The following FBXL19 variants were observed in gnomAD, a reference collection of about 807,000 sequenced individuals.
FBXL19 encodes F-box/LRR-repeat protein 19.
Under a neutral mutation model 71.2 loss-of-function variants are expected in FBXL19, and 16 were observed. That is an observed-to-expected ratio of 0.22 (90% CI 0.15 to 0.34). FBXL19 has a LOEUF of 0.34. FBXL19 is among the 10% of genes least tolerant of loss of function. The pLI is 1.00. For synonymous variants in FBXL19, 447 were observed against 409.4 expected (o/e 1.09, Z -1.11); for missense variants, 658 against 968.2 (o/e 0.68, Z 4.25).
intron 7 of FBXL19, among the ~76,000 whole-genome samples, chr16:30,932,916 C>T (rs1397253417): frequency 6.7e-6 from 1 of 149,682 alleles, no homozygotes; most frequent in Non-Finnish European, 1.5e-5. Context: ...TCTCGGCTCA[C>T]TGCAACCTCC....
chr16:30,924,775 C>G, intron 1 of FBXL19: 1 of 1,483,164 alleles, frequency 6.7e-7, no homozygotes, highest in Non-Finnish European at 8.9e-7. Flanking sequence ...TGGGGTAAGA[C>G]TGACTGGGAA....
chr16:30,928,120 T>G (rs561899181), intron 5 of FBXL19, among the ~76,000 whole-genome samples, 157 bp downstream of exon 5: 1 of 135,050 alleles, frequency 7.4e-6, no homozygotes, highest in African/African-American at 2.9e-5. Flanking sequence ...GGGGGGAGGA[T>G]AGAGCATGCT....
At position 30,948,200 on chromosome 16, in the gene FBXL19, A is replaced by G. The variant is rs1159004500; in HGVS notation, c.*970A>G. 1 of 158,748 alleles carries G rather than the reference A, an allele frequency of 6.3e-6. No individual in the cohort carries two copies. Among genetic ancestry groups the G allele is most frequent in the African/African-American group, 2.4e-5 (1 of 41,504 alleles). 9.8% of individuals were successfully genotyped at this position (158,748 alleles called of 1,614,324 possible). ...CGGCGGCACCCGCCGGACCCGCATT[A>G]TGGCTGGGGGCGCCAGCCCAAGAAT... On this transcript the variant is annotated 3_prime_UTR_variant, in exon 11 of 11. Coordinates refer to ENST00000338343, the MANE Select transcript of FBXL19 (RefSeq NM_001382779.1).
At chr16:30,944,008 C>G (rs1422841907) in intron 9 of FBXL19, among the ~76,000 whole-genome samples, 2 of 152,078 alleles carry the variant, frequency 1.3e-5, no homozygotes, top group East Asian at 1.9e-4. Flanking sequence ...CCATTGTCCA[C>G]TCTTACCAGA....
intron 2 of FBXL19, 148 bp downstream of exon 2, chr16:30,926,079 C>T: frequency 7.6e-7 from 1 of 1,315,020 alleles, no homozygotes; most frequent in Non-Finnish European, 9.7e-7. Context: ...GTGTCAGTAT[C>T]CATTTTTGTC....
chr16:30,927,694 G>A, intron 4 of FBXL19, 35 bp downstream of exon 4: 1 of 1,558,864 alleles, frequency 6.4e-7, no homozygotes, highest in Non-Finnish European at 8.7e-7. Flanking sequence ...GTGGGTAGGT[G>A]GGTGTTGGGG....
In FBXL19 at chr16:30,930,354, TG is replaced by T; in HGVS notation, c.1077del (p.Leu361TyrfsTer86). 3 of 1,576,970 alleles carry T rather than the reference TG, an allele frequency of 1.9e-6. No homozygotes were observed. Among genetic ancestry groups the T allele is most frequent in the Non-Finnish European group, 1.7e-6 (2 of 1,164,704 alleles). On this transcript the variant is annotated frameshift_variant, in exon 7 of 11. Transcript: ENST00000338343. LOFTEE classifies it high-confidence loss of function. The surrounding 1 kb of genome is among the most constrained non-coding windows in gnomAD (Gnocchi z 8.5). ...GGCGGCGGGCTGTGCGCCCTGGCAG[TG>T]GGGGGCCCCTACTCAGCTGGCCCCT... ...GGRRAVRPGS[G>X]GPLLSWPLGP... is the part of the protein sequence containing the mutation.
chr16:30,929,267 T>G (rs1447785138), intron 6 of FBXL19, among the ~76,000 whole-genome samples: 1 of 152,194 alleles, frequency 6.6e-6, no homozygotes, highest in Non-Finnish European at 1.5e-5. Context: ...AGCCTCGGTT[T>G]CCTCATGTCT....
intron 7 of FBXL19, among the ~76,000 whole-genome samples, chr16:30,931,291 A>G (rs1478473462): frequency 6.6e-6 from 1 of 152,136 alleles, no homozygotes; most frequent in Non-Finnish European, 1.5e-5. Flanking sequence ...TAGAGCAAGC[A>G]GAGGCCTTCG....
In FBXL19 at chr16:30,927,766, C is replaced by T. The variant is rs964502926; in HGVS notation, c.430C>T (p.Arg144Cys). 1.9e-6 allele frequency: 3 copies of T among 1,556,974 alleles called. No individual in the cohort carries two copies. The highest frequency in any genetic ancestry group is 2.6e-6 in the Non-Finnish European group (3 of 1,151,000). Residue 144 changes from arginine (R) to cysteine (C), a missense_variant, in exon 5 of 11, where the codon CGC becomes TGC. Transcript: ENST00000338343. ...CTAGGATTCAGGTGAGGGGCCTGGC[C>T]GCCGTAGGGCCGACAACGGCGAGGA... ...TSKDSGEGPG[R>C]RRADNGEEGA...
chr16:30,943,977 C>G (rs141277534), intron 9 of FBXL19, among the ~76,000 whole-genome samples: 2,500 of 152,216 alleles, frequency 0.016, 189 homozygotes, highest in Admixed American at 0.12. Flanking sequence ...GCAGGTCACC[C>G]AGTCAGGCCA....
rs752500125 is a variant in FBXL19, at chr16:30,930,379, C to T, written c.1096C>T (p.Leu366=). Residue 366 remains leucine (L), a synonymous_variant, in exon 7 of 11, where the codon CTG becomes TTG. Coordinates refer to ENST00000338343, the MANE Select transcript of FBXL19 (RefSeq NM_001382779.1). This position sits in a 1 kb window ranked among gnomAD's most constrained non-coding sequence, Gnocchi z 8.5. ...TGGGGGGCCCCTACTCAGCTGGCCC[C>T]TGGGCCCAGCCCCACCACCCCGGCC... is the stretch of plus-strand genomic sequence containing the variant. ...GSGGPLLSWP[L]GPAPPPRPPQ... is the part of the protein sequence containing the mutation. 1.3e-6 allele frequency: 2 copies of T among 1,545,794 alleles called. No homozygotes were observed. Among genetic ancestry groups the T allele is most frequent in the Admixed American group, 1.9e-5 (1 of 51,514 alleles).
intron 7 of FBXL19, among the ~76,000 whole-genome samples, chr16:30,936,524 C>CA (rs1419481387): frequency 1.4e-4 from 21 of 150,738 alleles, no homozygotes; most frequent in Admixed American, 1.3e-3. Flanking sequence ...CTCCCGGATT[C>CA]ACGCCATTCT....
Position 30,942,048 on chromosome 16 carries a change from G to T in FBXL19, c.1302-68G>T. 6.9e-7 allele frequency: 1 copy of T among 1,444,578 alleles called. No homozygotes were observed. 89.5% of individuals were successfully genotyped at this position (1,444,578 alleles called of 1,614,324 possible). A position where few individuals can be genotyped will look rare whatever the true frequency, so the allele number is the denominator to read the frequency against. On this transcript the variant is annotated intron_variant, in intron 7 of 10. Transcript: ENST00000338343. The surrounding 1 kb of genome is among the most constrained non-coding windows in gnomAD (Gnocchi z 5.7). ...GCTGGGGTGCACCCTTGGAGCTGGG[G>T]AGCCTGGGAACTGTGGGCTGCTGAG...
At chr16:30,924,630 C>T (rs1450429040) in intron 1 of FBXL19, 171 bp downstream of exon 1, 4 of 1,380,904 alleles carry the variant, frequency 2.9e-6, no homozygotes, top group East Asian at 3.0e-5. Context: ...AACTGGCCCT[C>T]CTTCCTAGAC....
At chr16:30,934,299 G>T (rs1372672412) in intron 7 of FBXL19, among the ~76,000 whole-genome samples, 1 of 151,478 alleles carries the variant, frequency 6.6e-6, no homozygotes, top group Non-Finnish European at 1.5e-5. Flanking sequence ...GGAAGTGGAG[G>T]TGCAGTGGGC....
In FBXL19 at chr16:30,947,352, G is replaced by T. The variant is rs1435704445; in HGVS notation, c.*122G>T. ...TGGGATTCCTGAGTGTCAGTGACTT[G>T]GGATTCCCACCCAGGGACTCAAGCC... is the stretch of plus-strand genomic sequence containing the variant. On this transcript the variant is annotated 3_prime_UTR_variant, in exon 11 of 11. Coordinates refer to ENST00000338343, the MANE Select transcript of FBXL19 (RefSeq NM_001382779.1). The T allele has an allele frequency of 7.2e-6, 6 of 836,546 alleles. No individual in the cohort carries two copies. The highest frequency in any genetic ancestry group is 7.2e-4 in the Middle Eastern group (2 of 2,768). The allele number at this position is 836,546 out of a possible 1,614,324, so 51.8% of individuals were successfully genotyped here.
chr16:30,931,670 C>T (rs1254082689), intron 7 of FBXL19, among the ~76,000 whole-genome samples: 1 of 152,194 alleles, frequency 6.6e-6, no homozygotes, highest in Non-Finnish European at 1.5e-5. Flanking sequence ...AGAGATTGTG[C>T]AGCCAAAAGT....
Position 30,927,380 on chromosome 16 carries a change from G to A in FBXL19, c.250G>A (p.Glu84Lys). Residue 84 changes from glutamate (E) to lysine (K), a missense_variant, in exon 3 of 11, where the codon GAA (glutamate) becomes AAA (lysine). Glu to Lys is a moderately conservative substitution (Grantham distance 56). Around this residue, in one of 8 missense-constraint regions of FBXL19, gnomAD observed 447 missense variants for 515.4 expected, o/e 0.87. Transcript: ENST00000338343. Reference sequence around the variant, plus strand: ...GAAGGAGGACACGGTGGAGGGAGAGGAAGAGAAATTTGGTTTGAGCCTCAT... The same window carrying A: ...GAAGGAGGACACGGTGGAGGGAGAGAAAGAGAAATTTGGTTTGAGCCTCAT... ...AGKEDTVEGE[E>K]EKFGLSLMEC... is the part of the protein sequence containing the mutation. 1 of 1,593,692 alleles carries A rather than the reference G, an allele frequency of 6.3e-7. No individual in the cohort carries two copies. The highest frequency in any genetic ancestry group is 8.5e-7 in the Non-Finnish European group (1 of 1,169,998).
Sources: allele counts gnomAD v4.1 joint callset (sites outside exome capture counted in the v4.1 genomes callset), GRCh38; gene constraint gnomAD v4.1.1; regional missense constraint gnomAD v4.1.1; non-coding constraint Gnocchi (gnomAD v3.1); transcripts MANE v1.5; gene names NCBI Gene and HGNC (gene_info 2026-07-23, HGNC 2026-07-21).